TUSC3: variants seen among roughly 807,000 people sequenced by gnomAD.
TUSC3 encodes tumor suppressor candidate 3, also known as dolichyl-diphosphooligosaccharide--protein glycosyltransferase subunit TUSC3.
TUSC3 carries 45 observed loss-of-function variants against 44.8 expected under a neutral mutation model. That is an observed-to-expected ratio of 1.00 (90% CI 0.79 to 1.29). The LOEUF is 1.29. Ranked by LOEUF, TUSC3 falls within the 50% of genes most tolerant of loss-of-function variation. The probability of loss-of-function intolerance (pLI) is 0.00; values close to 1 mark genes in which losing one functional copy is unlikely to be tolerated. For missense variants in TUSC3, 519 were observed against 437.9 expected (o/e 1.19, Z -1.65); for synonymous variants, 212 against 152.9 (o/e 1.39, Z -2.85).
At chr8:15,438,302 G>T (rs774825453) in intron 1 of TUSC3, among the ~76,000 whole-genome samples, 12 of 152,116 alleles carry the variant, frequency 7.9e-5, no homozygotes, top group Non-Finnish European at 1.8e-4. Flanking sequence ...CTCCATGTTG[G>T]TCAGGCTAGT....
At chr8:15,538,193 G>A (rs962318539), upstream of TUSC3, among the ~76,000 whole-genome samples, 2 of 152,320 alleles carry the variant, frequency 1.3e-5, no homozygotes, top group Admixed American at 1.3e-4. Context: ...TAAGGCAAAC[G>A]TAGCTGTAGC....
intron 1 of TUSC3, among the ~76,000 whole-genome samples, chr8:15,435,623 C>T (rs1799935805): frequency 6.6e-6 from 1 of 151,968 alleles, no homozygotes; most frequent in Non-Finnish European, 1.5e-5. Context: ...AAAACATATG[C>T]AAGATTTTAT....
chr8:15,572,476 A>G lies in TUSC3; in HGVS notation c.138+31908A>G, dbSNP rs534316522. Among the ~76,000 whole-genome samples the G allele has an allele frequency of 2.6e-5, 4 of 152,260 alleles. No individual in the cohort carries two copies. The South Asian group carries it at 6.2e-4, about 24-fold the overall frequency. ...TCCAAACTATTTAAACTTTCTCTGT[A>G]TCAGCAATAAGGCTGTTTTGCTTTC... is the stretch of plus-strand genomic sequence containing the variant. On this transcript the variant is annotated intron_variant, in intron 1 of 10. Transcript: ENST00000503731.
rs146166521 is a variant in TUSC3, at chr8:15,582,851, T to C, written c.139-40229T>C. On this transcript the variant is annotated intron_variant, in intron 1 of 10. Transcript: ENST00000503731. ...AGAGCCAGTGACCTTTCTTTAAATA[T>C]GATATGTAACACTTCTCCTTTTTAG... Among the ~76,000 whole-genome samples, 83 of 152,340 alleles carry C rather than the reference T, an allele frequency of 5.4e-4. No homozygotes were observed. In the East Asian group the frequency reaches 0.012, roughly 22 times the overall value.
In TUSC3 at chr8:15,673,727, C is replaced by G; in HGVS notation, c.709-20C>G. The G allele has an allele frequency of 6.3e-7, 1 of 1,589,380 alleles. No individual in the cohort carries two copies. Among genetic ancestry groups the G allele is most frequent in the Non-Finnish European group, 8.6e-7 (1 of 1,158,104 alleles). Reference sequence around the variant, plus strand: ...GTATTCTCTGGTTTACATATTGAAACACTGCACCCTGTTTTTCAGTGTATA... The same window carrying G: ...GTATTCTCTGGTTTACATATTGAAAGACTGCACCCTGTTTTTCAGTGTATA... On this transcript the variant is annotated intron_variant, in intron 5 of 10. Coordinates refer to ENST00000503731, the MANE Select transcript of TUSC3 (RefSeq NM_006765.4).
At chr8:15,734,186 T>A (rs1398815422) in intron 7 of TUSC3, among the ~76,000 whole-genome samples, 1 of 152,244 alleles carries the variant, frequency 6.6e-6, no homozygotes, top group Non-Finnish European at 1.5e-5. Context: ...AGATGATTAC[T>A]TTTCATTTAT....
At chr8:15,564,105 A>C (rs886779610) in intron 1 of TUSC3, among the ~76,000 whole-genome samples, 1 of 152,144 alleles carries the variant, frequency 6.6e-6, no homozygotes, top group Non-Finnish European at 1.5e-5. Flanking sequence ...GAAGTTTCAA[A>C]ATTTTTAAAA....
chr8:15,537,765 G>T (rs1277794979), upstream of TUSC3, among the ~76,000 whole-genome samples: 1 of 152,152 alleles, frequency 6.6e-6, no homozygotes, highest in Non-Finnish European at 1.5e-5. Flanking sequence ...AAGTACCATT[G>T]CTTACAATAA....
intron 1 of TUSC3, among the ~76,000 whole-genome samples, chr8:15,461,689 T>G (rs1356989505): frequency 2.6e-5 from 4 of 151,866 alleles, no homozygotes; most frequent in Admixed American, 2.0e-4. Flanking sequence ...ATGGCTTTTA[T>G]TACATTGAGT....
intron 6 of TUSC3, among the ~76,000 whole-genome samples, chr8:15,706,487 T>C (rs1809619966): frequency 6.6e-6 from 1 of 151,990 alleles, no homozygotes; most frequent in African/African-American, 2.4e-5. Flanking sequence ...CACATGACTT[T>C]GCTATTATCA....
At chr8:15,632,583 C>T (rs1220790519) in intron 2 of TUSC3, among the ~76,000 whole-genome samples, 1 of 151,938 alleles carries the variant, frequency 6.6e-6, no homozygotes, top group Admixed American at 6.6e-5. Flanking sequence ...TCCTGTTTCT[C>T]AGTAATTTTT....
chr8:15,610,688 C>T (rs939450621), intron 1 of TUSC3, among the ~76,000 whole-genome samples: 1 of 152,140 alleles, frequency 6.6e-6, no homozygotes, highest in Non-Finnish European at 1.5e-5. Flanking sequence ...AAGTAAACCC[C>T]TTTAAAAAAG....
chr8:15,704,695 A>T (rs1472416073), intron 6 of TUSC3, among the ~76,000 whole-genome samples: 2 of 151,904 alleles, frequency 1.3e-5, no homozygotes, highest in Non-Finnish European at 2.9e-5. Context: ...CTGTCTGTAC[A>T]TCCAATCCTA....
the TUSC3 span, among the ~76,000 whole-genome samples, chr8:15,789,079 G>C: frequency 6.6e-6 from 1 of 152,128 alleles, no homozygotes; most frequent in Non-Finnish European, 1.5e-5. Flanking sequence ...AATCCGTGTC[G>C]TCATTCAAGC....
intron 2 of TUSC3, among the ~76,000 whole-genome samples, chr8:15,505,478 A>G (rs1801039600): frequency 6.6e-6 from 1 of 152,148 alleles, no homozygotes; most frequent in South Asian, 2.1e-4. Context: ...CTGTTGGTAA[A>G]ATCTCCAGCA....
chr8:15,826,276 G>A, the TUSC3 span, among the ~76,000 whole-genome samples: 2 of 152,206 alleles, frequency 1.3e-5, no homozygotes, highest in South Asian at 2.1e-4. Context: ...GTTTATTTAA[G>A]TACGAATGGG....
the TUSC3 span, among the ~76,000 whole-genome samples, chr8:15,837,369 T>C: frequency 6.6e-6 from 1 of 152,192 alleles, no homozygotes; most frequent in South Asian, 2.1e-4. Context: ...TATTGGATTA[T>C]GTATTAGTTT....
downstream of TUSC3, among the ~76,000 whole-genome samples, chr8:15,767,411 C>G (rs976116190): frequency 2.0e-5 from 3 of 147,224 alleles, no homozygotes; most frequent in African/African-American, 7.6e-5. Context: ...ATTCCAGGGA[C>G]ATACCTGTCC....
chr8:15,743,434 G>T, intron 7 of TUSC3, 104 bp from the exon 8 acceptor site: 4 of 1,118,068 alleles, frequency 3.6e-6, no homozygotes, highest in Non-Finnish European at 5.5e-6. Flanking sequence ...TTACCTCTGT[G>T]TGCATTTGTA....
Sources: allele counts gnomAD v4.1 joint callset (sites outside exome capture counted in the v4.1 genomes callset), GRCh38; gene constraint gnomAD v4.1.1; transcripts MANE v1.5; gene names NCBI Gene and HGNC (gene_info 2026-07-23, HGNC 2026-07-21).